CD8A: variants seen among roughly 807,000 people sequenced by gnomAD.
CD8A encodes T-cell surface glycoprotein CD8 alpha chain.
Under a neutral mutation model 24.2 loss-of-function variants are expected in CD8A, and 25 were observed. The ratio of observed to expected loss-of-function variants is 1.03; its 90% CI spans 0.75 to 1.44. The LOEUF is 1.44. Ranked by LOEUF, CD8A falls within the 40% of genes most tolerant of loss-of-function variation. CD8A has a pLI of 0.00. For missense variants in CD8A, 360 were observed against 319.7 expected (o/e 1.13, Z -0.96); for synonymous variants, 165 against 149.9 (o/e 1.10, Z -0.74).
intron 4 of CD8A, among the ~76,000 whole-genome samples, 193 bp from the exon 5 acceptor site, chr2:86,788,753 C>T (rs188971315): frequency 5.9e-5 from 9 of 152,230 alleles, no homozygotes; most frequent in Admixed American, 2.0e-4. Flanking sequence ...TCCTTCCTTT[C>T]CCCTATTTCT....
intron 2 of CD8A, 132 bp downstream of exon 2, chr2:86,790,196 G>A (rs1449031163): frequency 2.7e-6 from 2 of 737,530 alleles, no homozygotes; most frequent in Non-Finnish European, 4.8e-6. Context: ...TGCTGTGTCT[G>A]TGAAATGGGA....
exon 2 of CD8A, chr2:86,807,751 A>G (rs984806420): frequency 6.5e-6 from 1 of 152,706 alleles, no homozygotes; most frequent in East Asian, 1.9e-4. Context: ...GAGGGCCACC[A>G]AGGCGACGAG....
chr2:86,804,001 C>A (rs1339156099), intron 2 of CD8A, among the ~76,000 whole-genome samples: 3 of 152,160 alleles, frequency 2.0e-5, no homozygotes, highest in Non-Finnish European at 4.4e-5. Context: ...AATATGAAGA[C>A]TACAATTAAT....
chr2:86,789,404 C>T lies in CD8A; in HGVS notation c.544G>A (p.Asp182Asn), dbSNP rs760679465. 4 of 1,614,046 alleles carry T rather than the reference C, an allele frequency of 2.5e-6. No homozygotes were observed. Among genetic ancestry groups the T allele is most frequent in the Middle Eastern group, 1.6e-4 (1 of 6,062 alleles). ...VHTRGLDFAC[D>N]IYIWAPLAGT... The stretch of plus-strand genomic sequence containing the variant: ...GCCAAGGGCGCCCAGATGTAGATAT[C>T]ACAGGCGAAGTCCAGCCCCCTCGTG... Residue 182 changes from aspartate to asparagine, a missense_variant, in exon 4 of 6, where the codon GAT becomes AAT. By Grantham distance (23) the Asp-to-Asn change is conservative. Coordinates refer to ENST00000283635, the MANE Select transcript of CD8A (RefSeq NM_001768.7).
rs1480122184 is a variant in CD8A at position 86,789,378 on chromosome 2, G to C, written c.570C>G (p.Ala190=). ...ACAGGAGAAGGACCCCACAAGTCCC[G>C]GCCAAGGGCGCCCAGATGTAGATAT... ...ACDIYIWAPL[A]GTCGVLLLSL... Residue 190 remains alanine, a synonymous_variant, in exon 4 of 6, where the codon GCC becomes GCG. Transcript: ENST00000283635. The C allele has an allele frequency of 6.2e-7, 1 of 1,613,866 alleles. No homozygotes were observed. Among genetic ancestry groups the C allele is most frequent in the African/African-American group, 1.3e-5 (1 of 74,918 alleles).
At position 86,790,881 on chromosome 2, in the gene CD8A, C is replaced by T. The variant is rs375219408; in HGVS notation, c.-56G>A. ...AAGCTCGGGCGCGAGGGGAGGCGCG[C>T]GGGAGCCGGTGGGGCGCCGAGGGGG... On this transcript the variant is annotated 5_prime_UTR_variant, in exon 1 of 6. Coordinates refer to ENST00000283635, the MANE Select transcript of CD8A (RefSeq NM_001768.7). 5 of 1,511,102 alleles carry T rather than the reference C, an allele frequency of 3.3e-6. No individual in the cohort carries two copies. The highest frequency in any genetic ancestry group is 2.5e-5 in the East Asian group (1 of 40,792). The allele number at this position is 1,511,102 out of a possible 1,614,324, so 93.6% of individuals were successfully genotyped here.
chr2:86,788,597 C>G, intron 4 of CD8A, 37 bp from the exon 5 acceptor site: 1 of 1,591,122 alleles, frequency 6.3e-7, no homozygotes. Flanking sequence ...GTGAGTGCCC[C>G]TATCCATCAA....
chr2:86,788,590 A>C, intron 4 of CD8A, 30 bp from the exon 5 acceptor site: 1 of 1,603,234 alleles, frequency 6.2e-7, no homozygotes, highest in Non-Finnish European at 8.5e-7. Context: ...GGAAAAAGTG[A>C]GTGCCCCTAT....
chr2:86,791,836 G>C (rs905376739), upstream of CD8A: 3 of 361,410 alleles, frequency 8.3e-6, no homozygotes, highest in Non-Finnish European at 5.5e-6. Flanking sequence ...TTGCACTTGC[G>C]GTCCCTCGGC....
At chr2:86,794,438 G>A (rs192082159), upstream of CD8A, among the ~76,000 whole-genome samples, 135 of 152,258 alleles carry the variant, frequency 8.9e-4, no homozygotes, top group African/African-American at 3.1e-3. Flanking sequence ...TGTCCCCATC[G>A]CCAATTCAGG....
At chr2:86,804,179 A>G (rs1333873958) in intron 2 of CD8A, among the ~76,000 whole-genome samples, 1 of 152,242 alleles carries the variant, frequency 6.6e-6, no homozygotes, top group Non-Finnish European at 1.5e-5. Context: ...TATACCTTAT[A>G]TATACACAAT....
rs1426369018 is a variant in CD8A at position 86,785,701 on chromosome 2, C to A, written c.*219G>T. ...ACGCCCTACCGCGATGTGCGCACAA[C>A]AGTATTGTGACCCTTGTGGTGTACT... On this transcript the variant is annotated 3_prime_UTR_variant, in exon 6 of 6. Transcript: ENST00000283635. 1.4e-6 allele frequency: 1 copy of A among 707,926 alleles called. No individual in the cohort carries two copies. Among genetic ancestry groups the A allele is most frequent in the Middle Eastern group, 3.3e-4 (1 of 2,988 alleles). The allele number at this position is 707,926 out of a possible 1,614,324, so 43.9% of individuals were successfully genotyped here.
chr2:86,790,258 A>G (rs1373006668), intron 2 of CD8A, 70 bp downstream of exon 2: 3 of 1,095,812 alleles, frequency 2.7e-6, no homozygotes, highest in African/African-American at 3.1e-5. Flanking sequence ...AGCAGGGCCC[A>G]GGTGTGGAAA....
At chr2:86,803,057 GT>G (rs1384604676) in intron 2 of CD8A, among the ~76,000 whole-genome samples, 1 of 151,946 alleles carries the variant, frequency 6.6e-6, no homozygotes, top group East Asian at 1.9e-4. Context: ...AAAGAATAAG[GT>G]TTTCTTTTTT....
chr2:86,797,096 C>T (rs531600350), intron 3 of CD8A, among the ~76,000 whole-genome samples: 3 of 152,140 alleles, frequency 2.0e-5, no homozygotes, highest in Non-Finnish European at 4.4e-5. Context: ...ATGGATCCCC[C>T]GGTGTTTCGG....
intron 2 of CD8A, among the ~76,000 whole-genome samples, chr2:86,790,093 C>T (rs1455153649): frequency 6.6e-6 from 1 of 152,184 alleles, no homozygotes; most frequent in African/African-American, 2.4e-5. Context: ...AGTCATTTGC[C>T]CAGAATCACA....
Position 86,785,052 on chromosome 2 carries a change from T to G in CD8A, c.*868A>C, listed in dbSNP as rs1195491375. 2 of 453,970 alleles carry G rather than the reference T, an allele frequency of 4.4e-6. No homozygotes were observed. Among genetic ancestry groups the G allele is most frequent in the Non-Finnish European group, 8.8e-6 (2 of 226,802 alleles). 28.1% of individuals were successfully genotyped at this position (453,970 alleles called of 1,614,324 possible). A position where few individuals can be genotyped will look rare whatever the true frequency, so the allele number is the denominator to read the frequency against. On this transcript the variant is annotated 3_prime_UTR_variant, in exon 6 of 6. Transcript: ENST00000283635. ...ATGTTTGTATCTCAAATTCAGAGAT[T>G]CAAGAGGGCCTTAGTTTAACCTCAC...
At position 86,785,413 on chromosome 2, in the gene CD8A, ACT is replaced by A; in HGVS notation, c.*505_*506del. Reference sequence around the variant, plus strand: ...AGTACTTGTTCCCTTGCCGTTGGAGACTCAAGCACCTCACCCTGAGACAGGGG... The same window carrying A: ...AGTACTTGTTCCCTTGCCGTTGGAGACAAGCACCTCACCCTGAGACAGGGG... On this transcript the variant is annotated 3_prime_UTR_variant, in exon 6 of 6. Coordinates refer to ENST00000283635, the MANE Select transcript of CD8A (RefSeq NM_001768.7). The A allele has an allele frequency of 4.4e-6, 2 of 454,530 alleles. No homozygotes were observed. The highest frequency in any genetic ancestry group is 3.1e-5 in the South Asian group (2 of 64,456). The allele number at this position is 454,530 out of a possible 1,614,324, so 28.2% of individuals were successfully genotyped here.
At position 86,787,081 on chromosome 2, in the gene CD8A, C is replaced by CTTT. The variant is rs759881985; in HGVS notation, c.657-1113_657-1111dup. On this transcript the variant is annotated intron_variant, in intron 5 of 5. Transcript: ENST00000283635. ...GAAAAGCTAAAAACTTCCCCCCCCA[C>CTTT]TTTTTTTTTTTTTTTTTGTGAGATG... 1.8e-3 allele frequency among the ~76,000 whole-genome samples: 164 copies of CTTT among 91,890 alleles called. 2 individuals carry two copies. Among genetic ancestry groups the CTTT allele is most frequent in the African/African-American group, 3.9e-3 (93 of 23,820 alleles). The allele number at this position is 91,890 out of a possible 152,430, so 60.3% of individuals were successfully genotyped here. A position where few individuals can be genotyped will look rare whatever the true frequency, so the allele number is the denominator to read the frequency against.
Sources: gnomAD v4.1 joint callset for allele counts (sites outside exome capture counted in the v4.1 genomes callset) on GRCh38, gnomAD v4.1.1 for gene constraint, MANE v1.5 for transcripts, NCBI Gene and HGNC (gene_info 2026-07-23, HGNC 2026-07-21) for gene names.